Variants in DCT observed in about 807,000 individuals in gnomAD.
The protein encoded by DCT is L-dopachrome tautomerase.
A neutral mutation model predicts 53.0 loss-of-function variants in DCT; 47 were observed. The ratio of observed to expected loss-of-function variants is 0.89; its 90% CI spans 0.70 to 1.13. DCT has a LOEUF of 1.13. DCT is among the 50% of genes most tolerant of loss of function. DCT has a pLI of 0.00. For missense variants in DCT, 669 were observed against 637.4 expected (o/e 1.05, Z -0.53); for synonymous variants, 244 against 237.0 (o/e 1.03, Z -0.27).
chr13:94,532,704 G>A, the DCT span, among the ~76,000 whole-genome samples: 1 of 152,146 alleles, frequency 6.6e-6, no homozygotes, highest in Non-Finnish European at 1.5e-5. Flanking sequence ...GTTGATGGGT[G>A]CAACAAACCA....
In DCT at chr13:94,460,112, G is replaced by A. The variant is rs779110813; in HGVS notation, c.1158C>T (p.Ala386=). 54 of 1,613,840 alleles carry A rather than the reference G, an allele frequency of 3.3e-5. 1 individual carries two copies. Among genetic ancestry groups the A allele is most frequent in the South Asian group, 2.3e-4 (21 of 91,038 alleles). Residue 386 remains alanine (A), a synonymous_variant, in exon 6 of 8, where the codon GCC becomes GCT. Transcript: ENST00000377028. ...LNGTNALPHS[A]ANDPIFVVLH... ...ATACCACAAAAATGGGATCATTGGC[G>A]GCTGAATGTGGCAAAGCGTTTGTCC...
At chr13:94,472,321 CA>C (rs1479492718) in intron 1 of DCT, among the ~76,000 whole-genome samples, 4 of 151,440 alleles carry the variant, frequency 2.6e-5, no homozygotes, top group African/African-American at 4.9e-5. Flanking sequence ...TGTGTGAGGG[CA>C]GGGGGTTGGC....
At chr13:94,478,578 T>A (rs1364224796) in intron 1 of DCT, among the ~76,000 whole-genome samples, 3 of 152,178 alleles carry the variant, frequency 2.0e-5, no homozygotes, top group Non-Finnish European at 4.4e-5. Context: ...GCTTCACCCA[T>A]CCCTTTTCAA....
rs566039520 is a variant in DCT at position 94,466,781 on chromosome 13, A to G, written c.596-123T>C. On this transcript the variant is annotated intron_variant, in intron 2 of 7. Coordinates refer to ENST00000377028, the MANE Select transcript of DCT (RefSeq NM_001922.5). The stretch of plus-strand genomic sequence containing the variant: ...ATGTTTTATAGTAGTAAGAAAAAAA[A>G]GTTTTGTTGTTATTTATATCTCCAA... The G allele has an allele frequency of 2.2e-5, 11 of 490,974 alleles. No individual in the cohort carries two copies. In the South Asian group the frequency reaches 3.3e-4, roughly 15 times the overall value. 30.4% of individuals were successfully genotyped at this position (490,974 alleles called of 1,614,324 possible). A position where few individuals can be genotyped will look rare whatever the true frequency, so the allele number is the denominator to read the frequency against.
chr13:94,533,401 T>TA, the DCT span, among the ~76,000 whole-genome samples: 1 of 151,880 alleles, frequency 6.6e-6, no homozygotes, highest in Non-Finnish European at 1.5e-5. Context: ...GACAATCCTG[T>TA]AAGACAGGCC....
intron 1 of DCT, among the ~76,000 whole-genome samples, chr13:94,473,744 C>T (rs1165564107): frequency 1.3e-5 from 2 of 152,144 alleles, no homozygotes; most frequent in African/African-American, 2.4e-5. Context: ...AATAAGAAAG[C>T]TTTCAACATC....
At chr13:94,547,984 A>AAAAAAAAAT in the DCT span, among the ~76,000 whole-genome samples, 11 of 65,822 alleles carry the variant, frequency 1.7e-4, 1 homozygote, top group African/African-American at 1.4e-3. Flanking sequence ...AAAAAAAAAA[A>AAAAAAAAAT]ATATATATAT....
chr13:94,453,935 T>A (rs1883256335), intron 6 of DCT, among the ~76,000 whole-genome samples: 2 of 152,320 alleles, frequency 1.3e-5, no homozygotes, highest in Admixed American at 6.5e-5. Flanking sequence ...CTTCTTTTTT[T>A]AAATTTCAAC....
chr13:94,523,514 C>T, the DCT span, among the ~76,000 whole-genome samples: 1 of 152,076 alleles, frequency 6.6e-6, no homozygotes. Context: ...TACATAAGTC[C>T]CTATTAAATG....
the DCT span, among the ~76,000 whole-genome samples, chr13:94,536,893 A>C: frequency 1.3e-5 from 2 of 152,122 alleles, no homozygotes; most frequent in Non-Finnish European, 2.9e-5. Context: ...GCAGTGAGCC[A>C]AGATTGCGCC....
chr13:94,494,888 G>A, the DCT span, among the ~76,000 whole-genome samples: 1 of 151,962 alleles, frequency 6.6e-6, no homozygotes. Flanking sequence ...GATTTTGAAG[G>A]GTTATAGAAT....
the DCT span, among the ~76,000 whole-genome samples, chr13:94,508,453 G>A: frequency 6.6e-6 from 1 of 152,150 alleles, no homozygotes; most frequent in African/African-American, 2.4e-5. Flanking sequence ...TACTCTGTTA[G>A]CACTGGGGAA....
At chr13:94,507,160 A>G in the DCT span, among the ~76,000 whole-genome samples, 3 of 152,202 alleles carry the variant, frequency 2.0e-5, no homozygotes, top group Non-Finnish European at 4.4e-5. Flanking sequence ...AAACTGGCAA[A>G]ACTCAAATAA....
chr13:94,526,217 T>G, the DCT span, among the ~76,000 whole-genome samples: 1 of 152,208 alleles, frequency 6.6e-6, no homozygotes, highest in African/African-American at 2.4e-5. Flanking sequence ...ACACATCTAC[T>G]GAGCCAGTAC....
intron 7 of DCT, among the ~76,000 whole-genome samples, chr13:94,440,675 G>GTTTTTT (rs1882228183): frequency 1.2e-5 from 1 of 86,742 alleles, no homozygotes; most frequent in African/African-American, 5.0e-5. Context: ...TTCATTTTTT[G>GTTTTTT]GTTTTTTTTT....
intron 6 of DCT, among the ~76,000 whole-genome samples, chr13:94,454,704 T>C (rs1208677900): frequency 1.3e-5 from 2 of 152,206 alleles, no homozygotes; most frequent in Admixed American, 1.3e-4. Context: ...TTGCATGAAT[T>C]GCCTCATGAA....
the DCT span, among the ~76,000 whole-genome samples, chr13:94,544,915 A>G: frequency 1.3e-5 from 2 of 152,208 alleles, no homozygotes; most frequent in Non-Finnish European, 2.9e-5. Context: ...TTTATTATGT[A>G]TAACAATTAT....
intron 6 of DCT, among the ~76,000 whole-genome samples, chr13:94,459,236 C>A (rs1029004126): frequency 6.6e-6 from 1 of 152,124 alleles, no homozygotes; most frequent in Non-Finnish European, 1.5e-5. Context: ...CAAAGGAGTT[C>A]ATCACACTGA....
At chr13:94,527,004 G>C in the DCT span, among the ~76,000 whole-genome samples, 1 of 151,858 alleles carries the variant, frequency 6.6e-6, no homozygotes, top group Middle Eastern at 3.2e-3. Context: ...CACGCCCATG[G>C]AGCCTTGCTC....
Sources: gnomAD v4.1 joint callset for allele counts (sites outside exome capture counted in the v4.1 genomes callset) on GRCh38, gnomAD v4.1.1 for gene constraint, MANE v1.5 for transcripts, NCBI Gene and HGNC (gene_info 2026-07-23, HGNC 2026-07-21) for gene names.